MTERF4: variants seen among roughly 807,000 people sequenced by gnomAD.
MTERF4 encodes the protein mitochondrial transcription termination factor 4, also known as transcription termination factor 4, mitochondrial.
In MTERF4, 17 loss-of-function variants were observed where a neutral mutation model predicts 22.5. The observed-to-expected ratio is 0.75, with a 90% CI of 0.52 to 1.13. MTERF4 has a LOEUF of 1.13. Among genes scored for constraint, MTERF4 ranks in the 50% most tolerant of loss-of-function variants. The pLI, the probability that MTERF4 is intolerant of heterozygous loss-of-function variation, is 0.00. For synonymous variants in MTERF4, 165 were observed against 175.3 expected, an observed-to-expected ratio of 0.94 and a Z score of 0.47; for missense variants, 420 against 466.8, an observed-to-expected ratio of 0.90 and a Z score of 0.92.
chr2:241,073,642 T>G lies in MTERF4; in HGVS notation n.2520A>C. On this transcript the variant is annotated non_coding_transcript_exon_variant, in exon 5 of 5. Coordinates refer to the MTERF4 transcript ENST00000464344. The surrounding 1 kb of genome is among the most constrained non-coding windows in gnomAD (Gnocchi z 6.6). ...AGACTGGCTTTGATGCTGCCTCCCC[T>G]CCCCTCTCCTCCTTCGCCTCCACAT... is the stretch of plus-strand genomic sequence containing the variant. 8.0e-6 allele frequency: 4 copies of G among 503,070 alleles called. No homozygotes were observed. The highest frequency in any genetic ancestry group is 1.4e-5 in the Non-Finnish European group (4 of 283,546). 31.2% of individuals were successfully genotyped at this position (503,070 alleles called of 1,614,324 possible). A position where few individuals can be genotyped will look rare whatever the true frequency, so the allele number is the denominator to read the frequency against.
chr2:241,049,752 A>G, the MTERF4 span: 3 of 1,287,520 alleles, frequency 2.3e-6, no homozygotes, highest in Middle Eastern at 2.2e-4. Context: ...GGTGCCCGCC[A>G]GCCTCTTGCC....
At chr2:241,076,546 A>C (rs998156729) in intron 4 of MTERF4, among the ~76,000 whole-genome samples, 1 of 152,210 alleles carries the variant, frequency 6.6e-6, no homozygotes, top group African/African-American at 2.4e-5. Context: ...TATATATAAA[A>C]TCATATCCTT....
chr2:241,071,718 C>CCCCCGGG, downstream of MTERF4: 1 of 1,503,636 alleles, frequency 6.7e-7, no homozygotes, highest in Non-Finnish European at 9.0e-7. Flanking sequence ...CCCAGCCCCC[C>CCCCCGGG]AGGTACATGC....
downstream of MTERF4, chr2:241,071,817 C>A: frequency 6.2e-7 from 1 of 1,601,390 alleles, no homozygotes. Context: ...TTGTGGACGG[C>A]AGAGGAAGAG....
chr2:241,076,189 A>G (rs2063012078), intron 4 of MTERF4, among the ~76,000 whole-genome samples: 2 of 152,224 alleles, frequency 1.3e-5, no homozygotes, highest in African/African-American at 4.8e-5. Context: ...CTTTGAGATA[A>G]TGATGACTGG....
At position 241,073,731 on chromosome 2, in the gene MTERF4, C is replaced by T; in HGVS notation, n.2431G>A. ...CACCCCTCACTTCTCCAAAGAGGAG[C>T]AGGCGGAGTCAGGATGGGAGAAGCA... On this transcript the variant is annotated non_coding_transcript_exon_variant, in exon 5 of 5. Transcript: ENST00000464344. The surrounding 1 kb of genome is among the most constrained non-coding windows in gnomAD (Gnocchi z 6.6). The T allele has an allele frequency of 2.4e-6, 1 of 410,006 alleles. No homozygotes were observed. Among genetic ancestry groups the T allele is most frequent in the Non-Finnish European group, 4.4e-6 (1 of 229,692 alleles). 25.4% of individuals were successfully genotyped at this position (410,006 alleles called of 1,614,324 possible). A position where few individuals can be genotyped will look rare whatever the true frequency, so the allele number is the denominator to read the frequency against.
At chr2:241,061,875 A>G in the MTERF4 span, among the ~76,000 whole-genome samples, 1 of 151,674 alleles carries the variant, frequency 6.6e-6, no homozygotes, top group African/African-American at 2.4e-5. Flanking sequence ...AAAGAAAAAA[A>G]GAAAACAAAA....
At chr2:241,049,952 T>TC in the MTERF4 span, 2 of 1,590,114 alleles carry the variant, frequency 1.3e-6, no homozygotes, top group Admixed American at 3.3e-5. Flanking sequence ...GGCAGGGGCG[T>TC]CCGGGCCGGC....
intron 4 of MTERF4, among the ~76,000 whole-genome samples, chr2:241,076,723 A>G (rs1192222263): frequency 6.6e-6 from 1 of 152,056 alleles, no homozygotes; most frequent in East Asian, 1.9e-4. Context: ...AAGGATAGGC[A>G]TTTAGATCAG....
Position 241,073,306 on chromosome 2 carries a change from C to A in MTERF4, n.2856G>T. ...CGCAGCTCGAGAACATGGAGGAAGC[C>A]CCCAAGCGGGTCAGCCTGGCCCTCC... On this transcript the variant is annotated non_coding_transcript_exon_variant, in exon 5 of 5. Coordinates refer to the MTERF4 transcript ENST00000464344. The surrounding 1 kb of genome is among the most constrained non-coding windows in gnomAD (Gnocchi z 6.6). 6.4e-7 allele frequency: 1 copy of A among 1,572,164 alleles called. No homozygotes were observed. Among genetic ancestry groups the A allele is most frequent in the East Asian group, 2.4e-5 (1 of 42,320 alleles).
downstream of MTERF4, chr2:241,070,211 G>A (rs374943499): frequency 2.1e-5 from 34 of 1,597,018 alleles, no homozygotes; most frequent in Admixed American, 4.1e-4. Context: ...TGTGAGTGCC[G>A]TGGGCCCTGC....
chr2:241,096,048 C>G lies in MTERF4; in HGVS notation c.1096G>C (p.Asp366His), dbSNP rs954660690. 1 of 1,613,876 alleles carries G rather than the reference C, an allele frequency of 6.2e-7. No homozygotes were observed. The highest frequency in any genetic ancestry group is 1.7e-5 in the Admixed American group (1 of 60,004). ...TCCTCATCATTGTCCTCCGCCTCGT[C>G]GTCGTCCTCATCATCGTCATCCTCA... Reference protein sequence around the residue: ...NDEDDDDEDDDEAEDNDEDED... With the variant: ...NDEDDDDEDDHEAEDNDEDED... Residue 366 changes from aspartate to histidine, a missense_variant, in exon 4 of 4, where the codon GAC (aspartate) becomes CAC (histidine). Coordinates refer to ENST00000391980, the MANE Select transcript of MTERF4 (RefSeq NM_182501.4). The surrounding 1 kb of genome is among the most constrained non-coding windows in gnomAD (Gnocchi z 5.1).
the MTERF4 span, chr2:241,062,832 T>A: frequency 6.2e-7 from 1 of 1,612,218 alleles, no homozygotes; most frequent in Non-Finnish European, 8.5e-7. Flanking sequence ...GCATGGGGGC[T>A]CTTGTCAGGA....
chr2:241,055,595 G>A, the MTERF4 span, among the ~76,000 whole-genome samples: 1 of 152,194 alleles, frequency 6.6e-6, no homozygotes, highest in Non-Finnish European at 1.5e-5. Context: ...AAGAGTTGAG[G>A]AGGCAGAGAA....
chr2:241,051,282 G>A, the MTERF4 span: 4,043 of 156,494 alleles, frequency 0.026, 348 homozygotes, highest in East Asian at 0.21. This position sits in a 1 kb window ranked among gnomAD's most constrained non-coding sequence, Gnocchi z 4.7. Flanking sequence ...TCCAGGAACT[G>A]TTAGGACCCA....
At chr2:241,079,355 T>C (rs1394464082) in intron 4 of MTERF4, among the ~76,000 whole-genome samples, 1 of 142,136 alleles carries the variant, frequency 7.0e-6, no homozygotes, top group Non-Finnish European at 1.5e-5. Flanking sequence ...GAGCTTGCAG[T>C]GAGCCAAGAT....
chr2:241,095,270 C>G (rs1313028603), downstream of MTERF4: 1 of 152,732 alleles, frequency 6.5e-6, no homozygotes, highest in East Asian at 1.9e-4. Context: ...GCACTACAGA[C>G]TACAGGGCCG....
chr2:241,094,383 T>C (rs755033896), downstream of MTERF4: 2 of 471,000 alleles, frequency 4.2e-6, no homozygotes, highest in Non-Finnish European at 8.8e-6. This position sits in a 1 kb window ranked among gnomAD's most constrained non-coding sequence, Gnocchi z 4.3. Flanking sequence ...TGCTTTTCTT[T>C]TGCAAAACAA....
chr2:241,090,020 G>A (rs1220301992), downstream of MTERF4: 10 of 1,547,972 alleles, frequency 6.5e-6, no homozygotes, highest in Admixed American at 2.0e-5. Context: ...CGCAGGACTG[G>A]CAGTTGCACA....
Sources: gnomAD v4.1 joint callset for allele counts (sites outside exome capture counted in the v4.1 genomes callset) on GRCh38, gnomAD v4.1.1 for gene constraint, Gnocchi (gnomAD v3.1) non-coding constraint, MANE v1.5 for transcripts, NCBI Gene and HGNC (gene_info 2026-07-23, HGNC 2026-07-21) for gene names.